The following PTK2 variants were observed in gnomAD, a reference collection of about 807,000 sequenced individuals.
PTK2 encodes protein tyrosine kinase 2.
Under a neutral mutation model 150.1 loss-of-function variants are expected in PTK2, and 45 were observed. The ratio of observed to expected loss-of-function variants is 0.30; its 90% CI spans 0.24 to 0.38. The LOEUF (loss-of-function observed/expected upper bound fraction) is 0.38, where lower values mean the gene tolerates loss of function less well. PTK2 is among the 10% of genes least tolerant of loss of function. The pLI, the probability that PTK2 is intolerant of heterozygous loss-of-function variation, is 1.00. For synonymous variants in PTK2, 432 were observed against 449.2 expected, an observed-to-expected ratio of 0.96 and a Z score of 0.48; for missense variants, 919 against 1,307.3, an observed-to-expected ratio of 0.70 and a Z score of 4.58.
chr8:140,680,042 C>T (rs896211742), intron 27 of PTK2, among the ~76,000 whole-genome samples: 1 of 152,156 alleles, frequency 6.6e-6, no homozygotes, highest in African/African-American at 2.4e-5. Context: ...TCTCTGAGTC[C>T]TGGTCTACTC....
chr8:140,769,664 G>C, intron 14 of PTK2, 72 bp from the exon 16 acceptor site: 1 of 989,988 alleles, frequency 1.0e-6, no homozygotes, highest in East Asian at 4.5e-5. Context: ...AAGGAGAAGA[G>C]GGAAGAGAGG....
At chr8:140,925,619 A>G (rs1377562851) in intron 2 of PTK2, 42 bp downstream of exon 2, 2 of 977,502 alleles carry the variant, frequency 2.0e-6, no homozygotes, top group Non-Finnish European at 2.4e-6. Flanking sequence ...CAGTACTGGC[A>G]TTATTCACTT....
intron 22 of PTK2, among the ~76,000 whole-genome samples, chr8:140,723,645 T>G (rs1307479737): frequency 6.6e-6 from 1 of 152,216 alleles, no homozygotes; most frequent in African/African-American, 2.4e-5. Flanking sequence ...TGAAAGCTCT[T>G]AGCTGCCTAA....
At chr8:140,924,576 G>A (rs2100168759) in intron 2 of PTK2, among the ~76,000 whole-genome samples, 1 of 152,120 alleles carries the variant, frequency 6.6e-6, no homozygotes, top group Admixed American at 6.5e-5. Flanking sequence ...TCACAGAGAA[G>A]GTATATGTAT....
At position 140,927,975 on chromosome 8, in the gene PTK2, A is replaced by AATAT. The variant is rs1179717665; in HGVS notation, c.-121-2230_-121-2227dup. 5.6e-3 allele frequency among the ~76,000 whole-genome samples: 270 copies of AATAT among 48,104 alleles called. 3 individuals are homozygous for AATAT. The highest frequency in any genetic ancestry group is 0.019 in the African/African-American group (192 of 10,182). 31.6% of individuals were successfully genotyped at this position (48,104 alleles called of 152,430 possible). On this transcript the variant is annotated intron_variant, in intron 1 of 31. Coordinates refer to ENST00000522684, the Ensembl canonical transcript of PTK2. The stretch of plus-strand genomic sequence containing the variant: ...AAAAAAAAGAAAAAAAAAAAAAAAA[A>AATAT]ATATATATATATATATATGTATATA...
chr8:140,941,779 C>A (rs2100175875), intron 1 of PTK2, among the ~76,000 whole-genome samples: 1 of 152,146 alleles, frequency 6.6e-6, no homozygotes, highest in African/African-American at 2.4e-5. Flanking sequence ...GATCTCAGCT[C>A]AATGCAGCCT....
chr8:140,881,228 A>AGG (rs1469096301), intron 3 of PTK2, among the ~76,000 whole-genome samples: 2 of 152,210 alleles, frequency 1.3e-5, no homozygotes, highest in Non-Finnish European at 1.5e-5. Flanking sequence ...ACACAAGGAT[A>AGG]TCCAGCTGAG....
At chr8:141,000,298 TCCCGCC>T (rs1414089675) in intron 1 of PTK2, among the ~76,000 whole-genome samples, 1 of 151,922 alleles carries the variant, frequency 6.6e-6, no homozygotes, top group Admixed American at 6.6e-5. Flanking sequence ...GCTCCAGGGC[TCCCGCC>T]AAGAAGCCCA....
At chr8:140,739,189 A>T (rs572964928) in intron 20 of PTK2, 82 bp from the exon 24 acceptor site, 286 of 893,674 alleles carry the variant, frequency 3.2e-4, no homozygotes, top group Admixed American at 4.1e-4. Context: ...TTTCAGTATC[A>T]AAGGAAAAAG....
chr8:140,890,712 T>C (rs774353002), exon 3 of PTK2: 9 of 1,614,144 alleles, frequency 5.6e-6, no homozygotes, highest in Admixed American at 1.7e-5. Context: ...GTGATTCAAG[T>C]TGGGGTCAAG....
At chr8:140,969,640 C>T (rs2100186546) in intron 1 of PTK2, among the ~76,000 whole-genome samples, 1 of 151,634 alleles carries the variant, frequency 6.6e-6, no homozygotes, top group African/African-American at 2.4e-5. Flanking sequence ...AGCTGTTCTT[C>T]CTCTTCTTGC....
chr8:140,920,954 A>G, intron 2 of PTK2: 3 of 1,440,044 alleles, frequency 2.1e-6, no homozygotes, highest in Non-Finnish European at 2.7e-6. Context: ...GTCTGCACAC[A>G]AAGTCCCAGT....
At chr8:140,979,175 G>A (rs1009778078) in intron 1 of PTK2, among the ~76,000 whole-genome samples, 1 of 151,482 alleles carries the variant, frequency 6.6e-6, no homozygotes, top group African/African-American at 2.4e-5. Flanking sequence ...ACAAGTTAAT[G>A]GGTGCAGCAC....
At chr8:140,680,134 T>TCA (rs2153548694) in intron 27 of PTK2, among the ~76,000 whole-genome samples, 1 of 152,360 alleles carries the variant, frequency 6.6e-6, no homozygotes, top group Admixed American at 6.5e-5. Flanking sequence ...AGCCAGGACC[T>TCA]CAGTTAGCAC....
intron 5 of PTK2, among the ~76,000 whole-genome samples, chr8:140,851,331 T>A (rs2100129172): frequency 6.6e-6 from 1 of 152,248 alleles, no homozygotes; most frequent in Non-Finnish European, 1.5e-5. Flanking sequence ...ATTTAACAGT[T>A]ACACATTCAT....
chr8:140,754,263 A>T (rs527755477), intron 16 of PTK2, among the ~76,000 whole-genome samples: 4 of 152,372 alleles, frequency 2.6e-5, no homozygotes, highest in African/African-American at 7.2e-5. Flanking sequence ...AATGTGAACA[A>T]GAGCACAGAA....
intron 27 of PTK2, among the ~76,000 whole-genome samples, chr8:140,685,385 T>C (rs2100019247): frequency 6.6e-6 from 1 of 152,014 alleles, no homozygotes; most frequent in South Asian, 2.1e-4. Flanking sequence ...AACACAAAAT[T>C]ACAAATGGGA....
intron 1 of PTK2, among the ~76,000 whole-genome samples, chr8:140,962,601 A>G (rs1300212690): frequency 6.6e-6 from 1 of 151,744 alleles, no homozygotes; most frequent in African/African-American, 2.4e-5. Flanking sequence ...GATCGAGACC[A>G]TCCTGGCTAA....
intron 14 of PTK2, among the ~76,000 whole-genome samples, chr8:140,772,905 T>C (rs774870611): frequency 6.6e-6 from 1 of 152,270 alleles, no homozygotes; most frequent in Non-Finnish European, 1.5e-5. Flanking sequence ...ATTCAAATAC[T>C]GGCTCAATTA....
Sources: gnomAD v4.1 joint callset for allele counts (sites outside exome capture counted in the v4.1 genomes callset) on GRCh38, gnomAD v4.1.1 for gene constraint, MANE v1.5 for transcripts, NCBI Gene and HGNC (gene_info 2026-07-23, HGNC 2026-07-21) for gene names.